The following STON2 variants were observed in gnomAD, a reference collection of about 807,000 sequenced individuals.
STON2 encodes the protein stonin 2.
STON2 carries 29 observed loss-of-function variants against 65.7 expected under a neutral mutation model. That is an observed-to-expected ratio of 0.44 (90% confidence interval 0.33 to 0.60). The LOEUF (loss-of-function observed/expected upper bound fraction) is 0.60, where lower values mean the gene tolerates loss of function less well. Ranked by LOEUF, STON2 falls within the 20% of genes least tolerant of loss-of-function variation. The pLI, the probability that STON2 is intolerant of heterozygous loss-of-function variation, is 0.03. For synonymous variants in STON2, 404 were observed against 414.2 expected, an observed-to-expected ratio of 0.98 and a Z score of 0.30; for missense variants, 1,054 against 1,118.1, an observed-to-expected ratio of 0.94 and a Z score of 0.82.
At chr14:81,341,945 T>C (rs1178904696) in intron 4 of STON2, among the ~76,000 whole-genome samples, 3 of 152,168 alleles carry the variant, frequency 2.0e-5, no homozygotes, top group African/African-American at 4.8e-5. Flanking sequence ...AGGGCTCAGG[T>C]TGAAAGAACA....
At chr14:81,369,124 G>C (rs1224134610) in intron 4 of STON2, among the ~76,000 whole-genome samples, 2 of 152,074 alleles carry the variant, frequency 1.3e-5, no homozygotes, top group Non-Finnish European at 2.9e-5. Context: ...TGTCGCCATA[G>C]CTCCTGTTGG....
At position 81,270,828 on chromosome 14, in the gene STON2, A is replaced by C. The variant is rs1456881377; in HGVS notation, c.2626T>G (p.Ser876Ala). 1 of 1,613,862 alleles carries C rather than the reference A, an allele frequency of 6.2e-7. No individual in the cohort carries two copies. The highest frequency in any genetic ancestry group is 8.5e-7 in the Non-Finnish European group (1 of 1,180,038). ...HCFFCHLELG[S>A]DREVPSRFAN... ...AATCTGGAAGGCACTTCCCGGTCAG[A>C]GCCGAGTTCAAGGTGGCAAAAGAAA... The change falls in exon 7 of 8, where the codon TCT becomes GCT. Residue 876 changes from serine to alanine, a missense_variant. Physicochemically the swap from Ser to Ala is moderately conservative, Grantham distance 99. Transcript: ENST00000614646.
intron 2 of STON2, chr14:81,427,041 T>C (rs988845795): frequency 1.3e-5 from 2 of 152,320 alleles, no homozygotes; most frequent in South Asian, 2.1e-4. Flanking sequence ...CATAACCCTA[T>C]GAAGTAGGTT....
At chr14:81,327,429 T>C (rs1470822363) in intron 4 of STON2, among the ~76,000 whole-genome samples, 1 of 152,170 alleles carries the variant, frequency 6.6e-6, no homozygotes, top group African/African-American at 2.4e-5. Context: ...TCCTCTCCCT[T>C]TGGAATTTAT....
At chr14:81,336,296 T>C (rs1897368693) in intron 4 of STON2, among the ~76,000 whole-genome samples, 1 of 152,014 alleles carries the variant, frequency 6.6e-6, no homozygotes, top group African/African-American at 2.4e-5. Context: ...AGCGGTTAGG[T>C]AGGGTGGGTA....
chr14:81,409,147 G>A (rs1046102339), intron 2 of STON2, among the ~76,000 whole-genome samples: 4 of 152,158 alleles, frequency 2.6e-5, no homozygotes, highest in African/African-American at 9.7e-5. Context: ...GCTCACGCCT[G>A]TAATCCTAAC....
At chr14:81,360,665 TC>T (rs1898451759) in intron 4 of STON2, among the ~76,000 whole-genome samples, 1 of 152,046 alleles carries the variant, frequency 6.6e-6, no homozygotes, top group Non-Finnish European at 1.5e-5. Flanking sequence ...GTATTGAAAA[TC>T]CTTAGAGAAA....
At chr14:81,420,338 A>T (rs975127846) in intron 2 of STON2, among the ~76,000 whole-genome samples, 1 of 152,230 alleles carries the variant, frequency 6.6e-6, no homozygotes, top group Non-Finnish European at 1.5e-5. Context: ...GAGATGATCT[A>T]ATAGGTCTTA....
intron 5 of STON2, among the ~76,000 whole-genome samples, chr14:81,322,697 C>G (rs943708528): frequency 1.2e-4 from 18 of 152,208 alleles, no homozygotes; most frequent in African/African-American, 4.3e-4. Flanking sequence ...GAGAAATTTT[C>G]ACCCTACCTG....
chr14:81,329,682 A>C (rs1359298801), intron 4 of STON2, among the ~76,000 whole-genome samples: 1 of 152,206 alleles, frequency 6.6e-6, no homozygotes, highest in Non-Finnish European at 1.5e-5. Context: ...TTGTGACAGC[A>C]GCCCTAGGAA....
chr14:81,419,235 T>C (rs937344562), intron 2 of STON2, among the ~76,000 whole-genome samples: 4 of 152,164 alleles, frequency 2.6e-5, no homozygotes, highest in Admixed American at 1.3e-4. Flanking sequence ...TACAACAGCA[T>C]CCTGATATAA....
chr14:81,366,232 A>G (rs914081785), intron 4 of STON2, among the ~76,000 whole-genome samples: 5 of 152,136 alleles, frequency 3.3e-5, no homozygotes, highest in African/African-American at 1.2e-4. Context: ...GGCTGATCAC[A>G]GAGTCTTTCC....
intron 6 of STON2, among the ~76,000 whole-genome samples, chr14:81,272,307 C>T (rs1241838721): frequency 6.6e-6 from 1 of 152,166 alleles, no homozygotes; most frequent in Non-Finnish European, 1.5e-5. Context: ...ACCTCATGGT[C>T]CCCAAAACAG....
intron 4 of STON2, among the ~76,000 whole-genome samples, chr14:81,369,846 C>T (rs1293631873): frequency 6.6e-6 from 1 of 152,184 alleles, no homozygotes; most frequent in Non-Finnish European, 1.5e-5. Flanking sequence ...ACAGCCTCAG[C>T]TGCTGAAGGT....
In STON2 at chr14:81,263,026, T is replaced by C; in HGVS notation, c.*5388A>G. 1.0e-6 allele frequency: 1 copy of C among 985,448 alleles called. No homozygotes were observed. The highest frequency in any genetic ancestry group is 1.1e-4 in the East Asian group (1 of 8,818). 61.0% of individuals were successfully genotyped at this position (985,448 alleles called of 1,614,324 possible). On this transcript the variant is annotated 3_prime_UTR_variant, in exon 8 of 8. Coordinates refer to ENST00000614646, the MANE Select transcript of STON2 (RefSeq NM_001394390.1). Reference sequence around the variant, plus strand: ...TTGGTGAGAATGCCCTAATTTTATGTAAAGGGTCGTCATGGTTTGAATGGG... The same window carrying C: ...TTGGTGAGAATGCCCTAATTTTATGCAAAGGGTCGTCATGGTTTGAATGGG...
chr14:81,419,600 G>A (rs991916854), intron 2 of STON2, among the ~76,000 whole-genome samples: 1 of 152,174 alleles, frequency 6.6e-6, no homozygotes, highest in Non-Finnish European at 1.5e-5. Flanking sequence ...GACAAGGACA[G>A]GGGATGCATG....
intron 3 of STON2, among the ~76,000 whole-genome samples, chr14:81,386,349 AC>A (rs143754209): frequency 0.019 from 2,914 of 151,666 alleles, 111 homozygotes; most frequent in African/African-American, 0.068. Context: ...ACCACTCACT[AC>A]CCCCATTAGC....
chr14:81,269,098 C>T (rs575049014), intron 7 of STON2, among the ~76,000 whole-genome samples: 6 of 152,252 alleles, frequency 3.9e-5, no homozygotes, highest in Admixed American at 6.5e-5. Context: ...CTCCACTTCC[C>T]GGGCTCAAGT....
At chr14:81,362,600 T>C (rs11623634) in intron 4 of STON2, among the ~76,000 whole-genome samples, 58,958 of 151,982 alleles carry the variant, frequency 0.39, 11,746 homozygotes, top group South Asian at 0.58. Context: ...GTGACTAATA[T>C]TGTATTTTAG....
Sources: gnomAD v4.1 joint callset for allele counts (sites outside exome capture counted in the v4.1 genomes callset) on GRCh38, gnomAD v4.1.1 for gene constraint, MANE v1.5 for transcripts, NCBI Gene and HGNC (gene_info 2026-07-23, HGNC 2026-07-21) for gene names.